Variants in HS6ST3 observed in about 807,000 individuals in gnomAD.
The protein encoded by HS6ST3 is heparan-sulfate 6-O-sulfotransferase 3.
HS6ST3 carries 12 observed loss-of-function variants against 36.7 expected under a neutral mutation model. The observed-to-expected ratio is 0.33, with a 90% CI of 0.21 to 0.53. HS6ST3 has a LOEUF of 0.53. HS6ST3 is among the 20% of genes least tolerant of loss of function. HS6ST3 has a pLI of 0.95. For synonymous variants in HS6ST3, 240 were observed against 257.5 expected (o/e 0.93, Z 0.65); for missense variants, 584 against 640.9 (o/e 0.91, Z 0.96).
chr13:96,685,466 G>A (rs1478931787), intron 1 of HS6ST3, among the ~76,000 whole-genome samples: 2 of 152,004 alleles, frequency 1.3e-5, no homozygotes, highest in Admixed American at 1.3e-4. Flanking sequence ...GTTCTGATCA[G>A]CCATTTATAT....
At chr13:96,476,522 C>T (rs2055865122) in intron 1 of HS6ST3, among the ~76,000 whole-genome samples, 1 of 152,156 alleles carries the variant, frequency 6.6e-6, no homozygotes, top group African/African-American at 2.4e-5. Flanking sequence ...ACCACCATGC[C>T]TGGCTAATTT....
chr13:96,204,052 A>G (rs986765612), intron 1 of HS6ST3, among the ~76,000 whole-genome samples: 3 of 152,202 alleles, frequency 2.0e-5, no homozygotes, highest in Non-Finnish European at 4.4e-5. Flanking sequence ...CTGTTATGTG[A>G]CTATTAAAAG....
chr13:96,796,367 T>C (rs1171183016), intron 1 of HS6ST3, among the ~76,000 whole-genome samples: 1 of 152,102 alleles, frequency 6.6e-6, no homozygotes, highest in Non-Finnish European at 1.5e-5. Flanking sequence ...TTGAATGATA[T>C]GGCAAATAAA....
chr13:96,665,345 A>G (rs1341426736), intron 1 of HS6ST3, among the ~76,000 whole-genome samples: 1 of 152,148 alleles, frequency 6.6e-6, no homozygotes, highest in Non-Finnish European at 1.5e-5. Flanking sequence ...ATGGTGAGTA[A>G]GAGAGAAATG....
chr13:96,376,361 A>T (rs1219455210), intron 1 of HS6ST3, among the ~76,000 whole-genome samples: 2 of 152,160 alleles, frequency 1.3e-5, no homozygotes, highest in Non-Finnish European at 2.9e-5. Context: ...TGGTAAATAG[A>T]TGAATGCTTG....
chr13:96,206,584 C>G (rs550197161), intron 1 of HS6ST3, among the ~76,000 whole-genome samples: 1 of 152,328 alleles, frequency 6.6e-6, no homozygotes, highest in East Asian at 1.9e-4. Context: ...GTAACCAAAA[C>G]AGCATGGTGC....
intron 1 of HS6ST3, among the ~76,000 whole-genome samples, chr13:96,459,873 G>A (rs2055774057): frequency 6.6e-6 from 1 of 152,134 alleles, no homozygotes; most frequent in Non-Finnish European, 1.5e-5. Flanking sequence ...GCATATATTT[G>A]TAGACCACCA....
At chr13:96,293,994 C>G (rs1016296770) in intron 1 of HS6ST3, among the ~76,000 whole-genome samples, 2 of 152,050 alleles carry the variant, frequency 1.3e-5, no homozygotes, top group Non-Finnish European at 2.9e-5. Context: ...ATCTATAGAT[C>G]CATTGTGGCT....
At chr13:96,172,314 G>A (rs904966316) in intron 1 of HS6ST3, among the ~76,000 whole-genome samples, 7 of 152,176 alleles carry the variant, frequency 4.6e-5, no homozygotes, top group African/African-American at 1.7e-4. Context: ...ATGCAGTCCA[G>A]TGTTGAAACC....
intron 1 of HS6ST3, among the ~76,000 whole-genome samples, chr13:96,753,902 C>T (rs1876761053): frequency 6.6e-6 from 1 of 152,108 alleles, no homozygotes; most frequent in Non-Finnish European, 1.5e-5. Context: ...TCACTGCAAC[C>T]TGCGCCTCCT....
chr13:96,234,280 C>A (rs147688715), intron 1 of HS6ST3, among the ~76,000 whole-genome samples: 1 of 151,794 alleles, frequency 6.6e-6, no homozygotes, highest in Non-Finnish European at 1.5e-5. Flanking sequence ...CATGGTGGCA[C>A]GTGCCTGTAA....
intron 1 of HS6ST3, among the ~76,000 whole-genome samples, chr13:96,772,771 C>G (rs1160409579): frequency 6.6e-6 from 1 of 152,152 alleles, no homozygotes; most frequent in South Asian, 2.1e-4. Flanking sequence ...AAACATGGTC[C>G]TTCCTCTCAT....
At chr13:96,434,821 A>C (rs986881391) in intron 1 of HS6ST3, among the ~76,000 whole-genome samples, 1 of 151,970 alleles carries the variant, frequency 6.6e-6, no homozygotes, top group Non-Finnish European at 1.5e-5. Context: ...TTCATTTTTT[A>C]TCCTCCTGCA....
At chr13:96,351,893 C>T (rs551131618) in intron 1 of HS6ST3, among the ~76,000 whole-genome samples, 20 of 152,008 alleles carry the variant, frequency 1.3e-4, no homozygotes, top group African/African-American at 4.8e-4. Context: ...ATGAAATTAA[C>T]AGAAAATTAA....
intron 1 of HS6ST3, among the ~76,000 whole-genome samples, chr13:96,275,858 T>C (rs879505384): frequency 9.1e-4 from 136 of 149,548 alleles, no homozygotes; most frequent in African/African-American, 1.1e-3. Context: ...TGTCTCTCTT[T>C]TTTTTTTTTT....
chr13:96,240,333 G>A (rs1173332626), intron 1 of HS6ST3, among the ~76,000 whole-genome samples: 1 of 152,120 alleles, frequency 6.6e-6, no homozygotes. Flanking sequence ...GGAGTGGATG[G>A]GGAAAGTAAG....
chr13:96,607,797 A>AAGTAGATAGC (rs2056444128), intron 1 of HS6ST3, among the ~76,000 whole-genome samples: 1 of 152,214 alleles, frequency 6.6e-6, no homozygotes, highest in Admixed American at 6.5e-5. Flanking sequence ...GTTTTGAAGA[A>AAGTAGATAGC]AGTAGATAGC....
chr13:96,095,400 TA>T (rs2053785350), intron 1 of HS6ST3, among the ~76,000 whole-genome samples: 1 of 152,258 alleles, frequency 6.6e-6, no homozygotes, highest in Non-Finnish European at 1.5e-5. Context: ...TTCTCTTTTA[TA>T]ACGTGTATTC....
chr13:96,756,103 A>G (rs1184063658), intron 1 of HS6ST3, among the ~76,000 whole-genome samples: 2 of 152,174 alleles, frequency 1.3e-5, no homozygotes, highest in African/African-American at 4.8e-5. Flanking sequence ...TATTCTTATT[A>G]GCCATGTGTA....
Sources: allele counts gnomAD v4.1 joint callset (sites outside exome capture counted in the v4.1 genomes callset), GRCh38; gene constraint gnomAD v4.1.1; transcripts MANE v1.5; gene names NCBI Gene and HGNC (gene_info 2026-07-23, HGNC 2026-07-21).